Variants in SIK3 observed in about 807,000 individuals in gnomAD.
SIK3 encodes SIK family kinase 3.
SIK3 carries 28 observed loss-of-function variants against 144.2 expected under a neutral mutation model. The ratio of observed to expected loss-of-function variants is 0.19; its 90% CI spans 0.14 to 0.27. The LOEUF is 0.27. Among genes scored for constraint, SIK3 ranks in the 10% least tolerant of loss-of-function variants. The pLI is 1.00. For synonymous variants in SIK3, 686 were observed against 676.3 expected (o/e 1.01, Z -0.22); for missense variants, 1,319 against 1,776.0 (o/e 0.74, Z 4.62).
Position 116,875,614 on chromosome 11 carries a change from G to T in SIK3, c.1240-163C>A, listed in dbSNP as rs1177459314. 1.8e-5 allele frequency: 15 copies of T among 812,700 alleles called. No homozygotes were observed. In the Admixed American group the frequency reaches 4.4e-4, roughly 24 times the overall value. The allele number at this position is 812,700 out of a possible 1,614,324, so 50.3% of individuals were successfully genotyped here. ...ACAACAAGGAAGCATCCTGTGAAGA[G>T]GATAGCATCGCCTCATGATTTGCTA... is the stretch of plus-strand genomic sequence containing the variant. On this transcript the variant is annotated intron_variant, in intron 9 of 24. Coordinates refer to ENST00000445177, the MANE Select transcript of SIK3 (RefSeq NM_001366686.3).
At chr11:116,954,638 TACTC>T (rs1176652602) in intron 2 of SIK3, among the ~76,000 whole-genome samples, 1 of 152,206 alleles carries the variant, frequency 6.6e-6, no homozygotes, top group Non-Finnish European at 1.5e-5. Flanking sequence ...TAATTTAAAA[TACTC>T]AACCTTTTAA....
chr11:116,848,329 A>G (rs1220412936), intron 22 of SIK3, among the ~76,000 whole-genome samples: 1 of 152,160 alleles, frequency 6.6e-6, no homozygotes, highest in Non-Finnish European at 1.5e-5. Context: ...CCTGGGTGAC[A>G]GAGCAAGACT....
chr11:117,062,945 G>A (rs1214820311), intron 1 of SIK3, among the ~76,000 whole-genome samples: 1 of 152,218 alleles, frequency 6.6e-6, no homozygotes, highest in African/African-American at 2.4e-5. Context: ...TGTGATTTAA[G>A]TTTGTTTTTA....
At chr11:116,850,422 T>C (rs1311443138) in intron 21 of SIK3, among the ~76,000 whole-genome samples, 1 of 152,250 alleles carries the variant, frequency 6.6e-6, no homozygotes, top group African/African-American at 2.4e-5. Context: ...CTGATTCTTC[T>C]GCCTTCACTC....
chr11:117,063,311 T>C (rs541016376), intron 1 of SIK3, among the ~76,000 whole-genome samples: 12 of 152,280 alleles, frequency 7.9e-5, no homozygotes, highest in East Asian at 3.9e-4. Context: ...ATTAGTGAGA[T>C]TGGAATTCCC....
At chr11:117,085,111 CTCT>C (rs536488678) in intron 1 of SIK3, among the ~76,000 whole-genome samples, 18 of 151,546 alleles carry the variant, frequency 1.2e-4, no homozygotes, top group Non-Finnish European at 2.2e-4. Flanking sequence ...TCTTTTCTCT[CTCT>C]TTTCTTTCTT....
At chr11:116,973,454 C>CT (rs1215179284) in intron 1 of SIK3, among the ~76,000 whole-genome samples, 1 of 152,220 alleles carries the variant, frequency 6.6e-6, no homozygotes, top group Non-Finnish European at 1.5e-5. Flanking sequence ...CCAGCAAACT[C>CT]TGTGTAAACA....
At chr11:116,974,603 T>C (rs1949883670) in intron 1 of SIK3, among the ~76,000 whole-genome samples, 1 of 152,128 alleles carries the variant, frequency 6.6e-6, no homozygotes. Flanking sequence ...CTTGTTATAT[T>C]GCCCAGGCTG....
At chr11:116,977,130 G>T (rs529707926) in intron 1 of SIK3, among the ~76,000 whole-genome samples, 2 of 151,966 alleles carry the variant, frequency 1.3e-5, no homozygotes, top group African/African-American at 4.8e-5. Flanking sequence ...AAATATTTCC[G>T]GATCAGCAGA....
intron 1 of SIK3, among the ~76,000 whole-genome samples, chr11:117,023,755 C>A (rs1485946844): frequency 6.6e-6 from 1 of 151,614 alleles, no homozygotes; most frequent in African/African-American, 2.4e-5. Context: ...CACCTCACTG[C>A]AACCTCCGCC....
intron 1 of SIK3, among the ~76,000 whole-genome samples, chr11:117,056,253 T>C (rs1488190294): frequency 6.6e-6 from 1 of 152,160 alleles, no homozygotes; most frequent in Non-Finnish European, 1.5e-5. Flanking sequence ...GAAACCATCA[T>C]TCTCAGCAAA....
chr11:117,066,786 G>C (rs891816377), intron 1 of SIK3, among the ~76,000 whole-genome samples: 1 of 152,102 alleles, frequency 6.6e-6, no homozygotes, highest in African/African-American at 2.4e-5. Flanking sequence ...CTCCCACTTT[G>C]GCCTCCCAAA....
chr11:117,033,599 C>T (rs1291377925), intron 1 of SIK3, among the ~76,000 whole-genome samples: 2 of 150,880 alleles, frequency 1.3e-5, no homozygotes. Context: ...GTCTCAGCTA[C>T]TCAGGAGGCT....
At chr11:116,928,129 TG>T (rs1190190358) in intron 3 of SIK3, among the ~76,000 whole-genome samples, 3 of 152,242 alleles carry the variant, frequency 2.0e-5, no homozygotes, top group Non-Finnish European at 4.4e-5. Flanking sequence ...AGAATTTACA[TG>T]TGATAAAATC....
intron 1 of SIK3, among the ~76,000 whole-genome samples, chr11:117,034,754 T>C (rs1243786337): frequency 6.6e-6 from 1 of 152,224 alleles, no homozygotes; most frequent in Non-Finnish European, 1.5e-5. Context: ...CCTGGAATTA[T>C]ACAGTAAGTT....
At chr11:117,051,520 G>A (rs984839260) in intron 1 of SIK3, among the ~76,000 whole-genome samples, 6 of 151,488 alleles carry the variant, frequency 4.0e-5, no homozygotes, top group African/African-American at 1.2e-4. Context: ...AAGGTTTTGG[G>A]GTTTTTTTCC....
At position 116,867,860 on chromosome 11, in the gene SIK3, G is replaced by T; in HGVS notation, c.1952+86C>A. On this transcript the variant is annotated intron_variant, in intron 15 of 24. Transcript: ENST00000445177. The surrounding 1 kb of genome is among the most constrained non-coding windows in gnomAD (Gnocchi z 4.1). ...GCTGGCTTCTATTTAAAGCCACGATGCTAGTCACCGTCGCTGTGAGACTAA... is the reference window on the plus strand; with the variant it reads ...GCTGGCTTCTATTTAAAGCCACGATTCTAGTCACCGTCGCTGTGAGACTAA... 1.5e-6 allele frequency: 2 copies of T among 1,338,246 alleles called. No homozygotes were observed. The highest frequency in any genetic ancestry group is 2.0e-6 in the Non-Finnish European group (2 of 1,002,736). The allele number at this position is 1,338,246 out of a possible 1,614,324, so 82.9% of individuals were successfully genotyped here. A position where few individuals can be genotyped will look rare whatever the true frequency, so the allele number is the denominator to read the frequency against.
chr11:117,013,915 G>GGGGGGGTGTGTGT (rs1206309055), intron 1 of SIK3, among the ~76,000 whole-genome samples: 5 of 23,616 alleles, frequency 2.1e-4, no homozygotes, highest in Admixed American at 1.2e-3. Flanking sequence ...GGGGGGGGAG[G>GGGGGGGTGTGTGT]GTGTGTGTGT....
At chr11:117,004,521 C>CA (rs1163161761) in intron 1 of SIK3, among the ~76,000 whole-genome samples, 4 of 149,516 alleles carry the variant, frequency 2.7e-5, no homozygotes, top group East Asian at 3.9e-4. Context: ...GTCTCCAAAA[C>CA]AAAAAAAAAG....
Sources: allele counts gnomAD v4.1 joint callset (sites outside exome capture counted in the v4.1 genomes callset), GRCh38; gene constraint gnomAD v4.1.1; non-coding constraint Gnocchi (gnomAD v3.1); transcripts MANE v1.5; gene names NCBI Gene and HGNC (gene_info 2026-07-23, HGNC 2026-07-21).